Variants in KCNK3 observed in about 807,000 individuals in gnomAD.
KCNK3 encodes the protein potassium two pore domain channel subfamily K member 3.
In KCNK3, 9 loss-of-function variants were observed where a neutral mutation model predicts 27.3. The observed-to-expected ratio is 0.33, with a 90% CI of 0.20 to 0.57. The LOEUF (loss-of-function observed/expected upper bound fraction) is 0.57. Ranked by LOEUF, KCNK3 falls within the 20% of genes least tolerant of loss-of-function variation. The probability of loss-of-function intolerance (pLI) is 0.87; values close to 1 mark genes in which losing one functional copy is unlikely to be tolerated. For missense variants in KCNK3, 391 were observed against 577.7 expected (o/e 0.68, Z 3.31); for synonymous variants, 278 against 273.8 (o/e 1.02, Z -0.15).
Position 26,709,969 on chromosome 2 carries a change from T to C in KCNK3, c.283+16811T>C, listed in dbSNP as rs193003173. Among the ~76,000 whole-genome samples, 184 of 152,348 alleles carry C rather than the reference T, an allele frequency of 1.2e-3. 1 individual carries two copies. The highest frequency in any genetic ancestry group is 3.9e-3 in the Admixed American group (59 of 15,300). On this transcript the variant is annotated intron_variant, in intron 1 of 1. Coordinates refer to ENST00000302909, the MANE Select transcript of KCNK3 (RefSeq NM_002246.3). Reference sequence around the variant, plus strand: ...TCCCACCTCATCCATCCTTGTCCTTTGATCATTTCTGTCAGCTTCCAGCCG... The same window carrying C: ...TCCCACCTCATCCATCCTTGTCCTTCGATCATTTCTGTCAGCTTCCAGCCG...
chr2:26,724,288 T>A (rs1040667200), intron 1 of KCNK3, among the ~76,000 whole-genome samples: 2 of 152,244 alleles, frequency 1.3e-5, no homozygotes, highest in African/African-American at 4.8e-5. Context: ...GCCCTCCTGT[T>A]ACCACCTCTG....
At chr2:26,704,312 A>G (rs1268264965) in intron 1 of KCNK3, among the ~76,000 whole-genome samples, 2 of 152,140 alleles carry the variant, frequency 1.3e-5, no homozygotes, top group African/African-American at 4.8e-5. Context: ...CACTGAATGC[A>G]CAGCTTCTGC....
chr2:26,712,064 C>A (rs1325301832), intron 1 of KCNK3, among the ~76,000 whole-genome samples: 3 of 152,182 alleles, frequency 2.0e-5, no homozygotes. Context: ...TATACCCTGG[C>A]CTGGCTGATC....
intron 1 of KCNK3, among the ~76,000 whole-genome samples, chr2:26,702,779 G>T (rs1212017499): frequency 6.6e-6 from 1 of 152,108 alleles, no homozygotes; most frequent in Non-Finnish European, 1.5e-5. Flanking sequence ...GGCTGGTAGG[G>T]GCTGGCTTGG....
intron 1 of KCNK3, among the ~76,000 whole-genome samples, chr2:26,714,079 A>G (rs1663181261): frequency 6.8e-6 from 1 of 146,538 alleles, no homozygotes; most frequent in African/African-American, 2.6e-5. Context: ...TCTGTCTTGA[A>G]AAAAAAAAAA....
chr2:26,705,698 T>A (rs1032050906), intron 1 of KCNK3, among the ~76,000 whole-genome samples: 1 of 152,158 alleles, frequency 6.6e-6, no homozygotes, highest in Admixed American at 6.5e-5. Context: ...CAGGGGCAGT[T>A]GTCACAGAAT....
In KCNK3 at chr2:26,733,198, G is replaced by T. The variant is rs781466264; in HGVS notation, c.*4630G>T. 1 of 152,162 alleles carries T rather than the reference G, an allele frequency of 6.6e-6. No individual in the cohort carries two copies. The highest frequency in any genetic ancestry group is 2.4e-5 in the African/African-American group (1 of 41,420). 9.4% of individuals were successfully genotyped at this position (152,162 alleles called of 1,614,324 possible). On this transcript the variant is annotated 3_prime_UTR_variant, in exon 2 of 2. Transcript: ENST00000302909. ...ATATACCCAGATCCCCGCTGATTTG[G>T]TTACTCGGGGTGAGCATCAGATGGA...
At chr2:26,705,155 G>A (rs1218057115) in intron 1 of KCNK3, among the ~76,000 whole-genome samples, 3 of 152,120 alleles carry the variant, frequency 2.0e-5, no homozygotes, top group Non-Finnish European at 4.4e-5. Flanking sequence ...AGTAGAGACA[G>A]GGTCTTTCTA....
At chr2:26,713,607 C>T (rs1350688091) in intron 1 of KCNK3, among the ~76,000 whole-genome samples, 1 of 151,868 alleles carries the variant, frequency 6.6e-6, no homozygotes, top group Non-Finnish European at 1.5e-5. Context: ...TGGTGAAACC[C>T]CATCTCTACT....
chr2:26,701,667 C>T (rs969697042), intron 1 of KCNK3, among the ~76,000 whole-genome samples: 8 of 152,320 alleles, frequency 5.3e-5, no homozygotes, highest in African/African-American at 1.7e-4. Flanking sequence ...TTTTGCCTGG[C>T]GCAGTGGCTC....
chr2:26,697,430 A>G (rs1483546472), intron 1 of KCNK3, among the ~76,000 whole-genome samples: 1 of 152,190 alleles, frequency 6.6e-6, no homozygotes, highest in African/African-American at 2.4e-5. Context: ...ACTTGAACGC[A>G]GAAGGCAGAG....
chr2:26,724,684 G>A (rs1663380976), intron 1 of KCNK3: 3 of 896,168 alleles, frequency 3.3e-6, no homozygotes, highest in East Asian at 1.2e-4. Flanking sequence ...AGTGGCTGTG[G>A]TGGAGCATGA....
At chr2:26,725,879 C>G (rs1253243166) in intron 1 of KCNK3, among the ~76,000 whole-genome samples, 1 of 152,188 alleles carries the variant, frequency 6.6e-6, no homozygotes, top group Non-Finnish European at 1.5e-5. Context: ...CCTGGCTGCT[C>G]TCTTGGAAAC....
At chr2:26,696,720 C>A (rs1670239534) in intron 1 of KCNK3, among the ~76,000 whole-genome samples, 1 of 152,142 alleles carries the variant, frequency 6.6e-6, no homozygotes, top group Admixed American at 6.5e-5. Flanking sequence ...TCCTCCAGGG[C>A]CCAAGCCTCA....
intron 1 of KCNK3, among the ~76,000 whole-genome samples, chr2:26,694,622 G>T (rs556407959): frequency 2.0e-5 from 3 of 152,194 alleles, no homozygotes; most frequent in South Asian, 2.1e-4. Context: ...GCACCTCTGG[G>T]TCCTACTGGT....
intron 1 of KCNK3, among the ~76,000 whole-genome samples, chr2:26,726,771 T>TCAGGGTGGGC (rs1663427426): frequency 7.4e-6 from 1 of 134,388 alleles, no homozygotes; most frequent in Non-Finnish European, 1.6e-5. Flanking sequence ...TGATCTTGGC[T>TCAGGGTGGGC]CAGGGTGGGC....
chr2:26,693,658 C>A lies in KCNK3; in HGVS notation c.283+500C>A, dbSNP rs1400456287. On this transcript the variant is annotated intron_variant, in intron 1 of 1. Coordinates refer to ENST00000302909, the MANE Select transcript of KCNK3 (RefSeq NM_002246.3). The surrounding 1 kb of genome is among the most constrained non-coding windows in gnomAD (Gnocchi z 5.5). ...GGCACTTGGGGCCACCCTATAACGG[C>A]GGCTGTGAGTGTACGTGTGTCTGCG... Among the ~76,000 whole-genome samples the A allele has an allele frequency of 6.6e-6, 1 of 152,174 alleles. No individual in the cohort carries two copies. Among genetic ancestry groups the A allele is most frequent in the Admixed American group, 6.5e-5 (1 of 15,282 alleles).
chr2:26,692,883 G>T lies in KCNK3; in HGVS notation c.8G>T (p.Arg3Leu). ...GGCGGCCCGGGCGGGACGATGAAGC[G>T]GCAGAACGTGCGCACGCTGGCGCTC... MK[R>L]QNVRTLALIV... Residue 3 changes from arginine (R) to leucine (L), a missense_variant, in exon 1 of 2, where the codon CGG (arginine) becomes CTG (leucine). Around this residue, in one of 4 missense-constraint regions of KCNK3, gnomAD observed 158 missense variants for 267.7 expected, o/e 0.59. Transcript: ENST00000302909. This position sits in a 1 kb window ranked among gnomAD's most constrained non-coding sequence, Gnocchi z 5.6. The T allele has an allele frequency of 7.3e-7, 1 of 1,376,670 alleles. No homozygotes were observed. The highest frequency in any genetic ancestry group is 9.5e-7 in the Non-Finnish European group (1 of 1,055,174). 85.3% of individuals were successfully genotyped at this position (1,376,670 alleles called of 1,614,324 possible). A position where few individuals can be genotyped will look rare whatever the true frequency, so the allele number is the denominator to read the frequency against.
chr2:26,723,575 C>T (rs1361413482), intron 1 of KCNK3, among the ~76,000 whole-genome samples: 10 of 152,198 alleles, frequency 6.6e-5, no homozygotes, highest in Admixed American at 6.5e-4. Context: ...AGCTGGAGGG[C>T]AGTGGACAGA....
Sources: gnomAD v4.1 joint callset for allele counts (sites outside exome capture counted in the v4.1 genomes callset) on GRCh38, gnomAD v4.1.1 for gene constraint, gnomAD v4.1.1 regional missense constraint, Gnocchi (gnomAD v3.1) non-coding constraint, MANE v1.5 for transcripts, NCBI Gene and HGNC (gene_info 2026-07-23, HGNC 2026-07-21) for gene names.